Variants in ADAMTS13 observed in about 807,000 individuals in gnomAD.
ADAMTS13 encodes ADAM metallopeptidase with thrombospondin type 1 motif 13.
A neutral mutation model predicts 155.1 loss-of-function variants in ADAMTS13; 110 were observed. That is an observed-to-expected ratio of 0.71 (90% CI 0.61 to 0.83). ADAMTS13 has a LOEUF of 0.83. Among genes scored for constraint, ADAMTS13 ranks in the 40% least tolerant of loss-of-function variants. The pLI is 0.00. For missense variants in ADAMTS13, 1,707 were observed against 1,891.7 expected, an observed-to-expected ratio of 0.90 and a Z score of 1.81; for synonymous variants, 758 against 756.4, an observed-to-expected ratio of 1.00 and a Z score of -0.03.
Position 133,423,175 on chromosome 9 carries a change from T to C in ADAMTS13, c.172+8T>C, listed in dbSNP as rs587737605. On this transcript the variant is annotated splice_region_variant and intron_variant, in intron 2 of 28. Transcript: ENST00000355699. ...CTGGTGCTCCCTTAAAAGGTACTTG[T>C]CCTGGTGTCTTCTCTCCCGGGGGGA... 7 of 1,613,684 alleles carry C rather than the reference T, an allele frequency of 4.3e-6. No individual in the cohort carries two copies. In the East Asian group the frequency reaches 6.7e-5, roughly 15 times the overall value.
rs371554437 is a variant in ADAMTS13, at chr9:133,449,801, G to A, written c.2880G>A (p.Ala960=). The change falls in exon 23 of 29, where the codon GCG becomes GCA. Residue 960 remains alanine, a synonymous_variant. Coordinates refer to ENST00000355699, the MANE Select transcript of ADAMTS13 (RefSeq NM_139027.6). ...GCTCCAGGTGGCAGTACAAGCTGGC[G>A]GCCTGCAGCGTGAGCTGTGGGAGAG... ...PCPARWQYKL[A]ACSVSCGRGV... 2.2e-5 allele frequency: 35 copies of A among 1,613,980 alleles called. No homozygotes were observed. Among genetic ancestry groups the A allele is most frequent in the Admixed American group, 1.3e-4 (8 of 60,026 alleles).
rs1842650329 is a variant in ADAMTS13 at position 133,454,936 on chromosome 9, G to T, written c.3249+317G>T. Among the ~76,000 whole-genome samples the T allele has an allele frequency of 2.6e-5, 4 of 152,198 alleles. 1 individual carries two copies. The highest frequency in any genetic ancestry group is 2.6e-4 in the Admixed American group (4 of 15,286). ...GGCAGGACAGACAAGGGTAAATGGG[G>T]TTCAGGCTGCCCCCTGGAGGGGCTC... On this transcript the variant is annotated intron_variant, in intron 24 of 28. Transcript: ENST00000355699.
chr9:133,428,654 G>A lies in ADAMTS13; in HGVS notation c.707G>A (p.Gly236Asp). 7.4e-7 allele frequency: 1 copy of A among 1,349,108 alleles called. No homozygotes were observed. Among genetic ancestry groups the A allele is most frequent in the Non-Finnish European group, 9.6e-7 (1 of 1,046,114 alleles). The allele number at this position is 1,349,108 out of a possible 1,614,324, so 83.6% of individuals were successfully genotyped here. Residue 236 changes from glycine to aspartate, a missense_variant, in exon 7 of 29, where the codon GGC (glycine) becomes GAC (aspartate). Coordinates refer to ENST00000355699, the MANE Select transcript of ADAMTS13 (RefSeq NM_139027.6). ...IGHSFGLEHD[G>D]APGSGCGPSG... ...ACCAGCTTCGGCCTGGAGCACGACG[G>A]CGCGCCCGGCAGCGGCTGCGGCCCC...
rs1015283274 is a variant in ADAMTS13, at chr9:133,441,413, A to G, written c.1968+888A>G. 3.3e-5 allele frequency among the ~76,000 whole-genome samples: 5 copies of G among 152,140 alleles called. No homozygotes were observed. The highest frequency in any genetic ancestry group is 4.8e-5 in the African/African-American group (2 of 41,416). On this transcript the variant is annotated intron_variant, in intron 16 of 28. Coordinates refer to ENST00000355699, the MANE Select transcript of ADAMTS13 (RefSeq NM_139027.6). This position sits in a 1 kb window ranked among gnomAD's most constrained non-coding sequence, Gnocchi z 5.0. The stretch of plus-strand genomic sequence containing the variant: ...ATGCTAGCTGCCGAGTGGCTCTCCC[A>G]TCATCCTCTGCAGTGTGTAAAAAAG...
intron 23 of ADAMTS13, among the ~76,000 whole-genome samples, chr9:133,450,831 T>A (rs1842394384): frequency 6.6e-6 from 1 of 152,236 alleles, no homozygotes; most frequent in Non-Finnish European, 1.5e-5. Context: ...TAGGGCTACC[T>A]GGCAGGCTGT....
At chr9:133,437,454 C>A (rs1045063946) in intron 12 of ADAMTS13, among the ~76,000 whole-genome samples, 4 of 152,150 alleles carry the variant, frequency 2.6e-5, no homozygotes, top group African/African-American at 9.7e-5. Flanking sequence ...GATGGGGTTT[C>A]GCCATGTTGG....
In ADAMTS13 at chr9:133,424,795, G is replaced by A. The variant is rs1840172130; in HGVS notation, c.330+317G>A. Among the ~76,000 whole-genome samples, 1 of 152,134 alleles carries A rather than the reference G, an allele frequency of 6.6e-6. No homozygotes were observed. The highest frequency in any genetic ancestry group is 1.5e-5 in the Non-Finnish European group (1 of 68,022). On this transcript the variant is annotated intron_variant, in intron 3 of 28. Transcript: ENST00000355699. This position sits in a 1 kb window ranked among gnomAD's most constrained non-coding sequence, Gnocchi z 4.3. ...TCAGCTAAAGCAACCCTGGCAAATG[G>A]GATACGGGCTGCTCACACTGCCCTC...
intron 23 of ADAMTS13, among the ~76,000 whole-genome samples, chr9:133,450,781 G>T (rs1842391249): frequency 6.6e-6 from 1 of 152,156 alleles, no homozygotes; most frequent in African/African-American, 2.4e-5. Context: ...AACAAGACGG[G>T]GTGGGGGGCT....
At chr9:133,453,108 C>G (rs1219206574) in intron 23 of ADAMTS13, among the ~76,000 whole-genome samples, 3 of 151,762 alleles carry the variant, frequency 2.0e-5, no homozygotes, top group Non-Finnish European at 4.4e-5. Context: ...TCTAGACCAG[C>G]CTGGGCAACA....
chr9:133,449,825 A>G lies in ADAMTS13; in HGVS notation c.2904A>G (p.Arg968=). 1.2e-6 allele frequency: 2 copies of G among 1,613,886 alleles called. No homozygotes were observed. The highest frequency in any genetic ancestry group is 1.7e-6 in the Non-Finnish European group (2 of 1,180,006). ...KLAACSVSCG[R]GVVRRILYCA... Reference sequence around the variant, plus strand: ...CGGCCTGCAGCGTGAGCTGTGGGAGAGGGGTCGTGCGGAGGATCCTGTATT... The same window carrying G: ...CGGCCTGCAGCGTGAGCTGTGGGAGGGGGGTCGTGCGGAGGATCCTGTATT... Residue 968 remains arginine, a synonymous_variant, in exon 23 of 29, where the codon AGA becomes AGG. Transcript: ENST00000355699.
At position 133,445,735 on chromosome 9, in the gene ADAMTS13, C is replaced by A. The variant is rs1192457979; in HGVS notation, c.2647C>A (p.Pro883Thr). The change falls in exon 21 of 29, where the codon CCA becomes ACA. Residue 883 changes from proline (P) to threonine (T), a missense_variant. Physicochemically the swap from Pro to Thr is conservative, Grantham distance 38 (BLOSUM62 -1). Transcript: ENST00000355699. The surrounding 1 kb of genome is among the most constrained non-coding windows in gnomAD (Gnocchi z 5.0). Reference sequence around the variant, plus strand: ...CTCTGCAGGGGAGAAGGCTCCCTCCCCATGGGGCAGCATCAGGACGGGGGC... The same window carrying A: ...CTCTGCAGGGGAGAAGGCTCCCTCCACATGGGGCAGCATCAGGACGGGGGC... ...ATSAGEKAPS[P>T]WGSIRTGAQA... 1 of 1,612,312 alleles carries A rather than the reference C, an allele frequency of 6.2e-7. No individual in the cohort carries two copies. Among genetic ancestry groups the A allele is most frequent in the African/African-American group, 1.3e-5 (1 of 74,916 alleles).
rs148312697 is a variant in ADAMTS13 at position 133,426,218 on chromosome 9, G to C, written c.559G>C (p.Asp187His). ...ACCGAGGTTTGACCTGGAGTTGCCT[G>C]ATGGTAACCGGCAGGTGCGGGGCGT... ...YITRFDLELP[D>H]GNRQVRGVTQ... Residue 187 changes from aspartate (D) to histidine (H), a missense_variant, in exon 6 of 29, where the codon GAT becomes CAT. Asp to His is a moderately conservative substitution (Grantham distance 81). Around this residue, in one of 3 missense-constraint regions of ADAMTS13, gnomAD observed 733 missense variants for 749.6 expected, o/e 0.98. Coordinates refer to ENST00000355699, the MANE Select transcript of ADAMTS13 (RefSeq NM_139027.6). 4.0e-4 allele frequency: 640 copies of C among 1,613,864 alleles called. 1 individual carries two copies. Among genetic ancestry groups the C allele is most frequent in the Admixed American group, 7.2e-4 (43 of 60,036 alleles).
At chr9:133,426,834 G>A (rs782608839) in intron 6 of ADAMTS13, among the ~76,000 whole-genome samples, 7 of 148,204 alleles carry the variant, frequency 4.7e-5, no homozygotes, top group South Asian at 2.1e-4. Flanking sequence ...ATGAAGTTTC[G>A]CTCTTGTTGC....
chr9:133,454,611 T>C lies in ADAMTS13; in HGVS notation c.3241T>C (p.Trp1081Arg). The change falls in exon 24 of 29, where the codon TGG becomes CGG. Residue 1081 changes from tryptophan to arginine, a missense_variant. Physicochemically the swap from Trp to Arg is moderately radical, Grantham distance 101. Coordinates refer to ENST00000355699, the MANE Select transcript of ADAMTS13 (RefSeq NM_139027.6). The stretch of plus-strand genomic sequence containing the variant: ...CACCTACCGCTGGCATGTTGGCACC[T>C]GGATGGAGGTGAGCACAGCGGGCAC... ...DCTYRWHVGTWMECSVSCGDG... is the reference protein window; with the variant it reads ...DCTYRWHVGTRMECSVSCGDG... The C allele has an allele frequency of 1.2e-6, 2 of 1,600,682 alleles. No individual in the cohort carries two copies. Among genetic ancestry groups the C allele is most frequent in the Non-Finnish European group, 1.7e-6 (2 of 1,178,750 alleles).
At chr9:133,430,205 C>G (rs1840648980) in intron 8 of ADAMTS13, 104 bp downstream of exon 8, 16 of 1,473,160 alleles carry the variant, frequency 1.1e-5, no homozygotes, top group Non-Finnish European at 1.5e-5. Context: ...GGGTGCCGTG[C>G]TAGGCTGAGG....
At chr9:133,446,870 G>T (rs887597028) in intron 21 of ADAMTS13, among the ~76,000 whole-genome samples, 1 of 151,940 alleles carries the variant, frequency 6.6e-6, no homozygotes, top group Non-Finnish European at 1.5e-5. Flanking sequence ...TTTTGTTTTT[G>T]TTTTTGAGAC....
chr9:133,416,529 G>A (rs1418768613), intron 1 of ADAMTS13, among the ~76,000 whole-genome samples: 1 of 152,142 alleles, frequency 6.6e-6, no homozygotes, highest in Admixed American at 6.5e-5. Context: ...GAGAATCACT[G>A]GAGCCCAGGC....
intron 12 of ADAMTS13, 26 bp downstream of exon 12, chr9:133,436,981 G>C: frequency 3.1e-6 from 5 of 1,589,220 alleles, no homozygotes; most frequent in Non-Finnish European, 4.3e-6. Flanking sequence ...TGTGGGGTTG[G>C]GGGAGGAGCC....
intron 23 of ADAMTS13, among the ~76,000 whole-genome samples, 167 bp downstream of exon 23, chr9:133,450,132 T>A (rs1326673297): frequency 6.8e-6 from 1 of 147,230 alleles, no homozygotes; most frequent in Non-Finnish European, 1.5e-5. Context: ...ACCTCATCTC[T>A]AAAAAAAAAA....
Sources: allele counts gnomAD v4.1 joint callset (sites outside exome capture counted in the v4.1 genomes callset), GRCh38; gene constraint gnomAD v4.1.1; regional missense constraint gnomAD v4.1.1; non-coding constraint Gnocchi (gnomAD v3.1); transcripts MANE v1.5; gene names NCBI Gene and HGNC (gene_info 2026-07-23, HGNC 2026-07-21).